The following STK39 variants were observed in gnomAD, a reference collection of about 807,000 sequenced individuals.
STK39 encodes STE20/SPS1-related proline-alanine-rich protein kinase.
A neutral mutation model predicts 77.8 loss-of-function variants in STK39; 20 were observed. The ratio of observed to expected loss-of-function variants is 0.26; its 90% CI spans 0.18 to 0.37. STK39 has a LOEUF of 0.37. STK39 is among the 10% of genes least tolerant of loss of function. The probability of loss-of-function intolerance (pLI) is 1.00; values close to 1 mark genes in which losing one functional copy is unlikely to be tolerated. For missense variants in STK39, 479 were observed against 656.5 expected (o/e 0.73, Z 2.95); for synonymous variants, 246 against 234.1 (o/e 1.05, Z -0.47).
At chr2:168,234,438 C>T (rs1690545137) in intron 1 of STK39, among the ~76,000 whole-genome samples, 1 of 152,196 alleles carries the variant, frequency 6.6e-6, no homozygotes, top group African/African-American at 2.4e-5. Context: ...GTGCTAGCCC[C>T]TTTCTTCTGG....
intron 5 of STK39, among the ~76,000 whole-genome samples, chr2:168,143,905 T>G (rs1688062298): frequency 6.6e-6 from 1 of 152,192 alleles, no homozygotes; most frequent in South Asian, 2.1e-4. Flanking sequence ...CACATGATGC[T>G]TTGTCGTCTA....
intron 1 of STK39, among the ~76,000 whole-genome samples, chr2:168,225,949 A>C (rs1163390535): frequency 6.6e-6 from 1 of 152,202 alleles, no homozygotes; most frequent in Non-Finnish European, 1.5e-5. Flanking sequence ...TGGGATTAAG[A>C]TTGGGAAATA....
At chr2:168,039,913 ATATAT>A (rs1316308456) in intron 14 of STK39, among the ~76,000 whole-genome samples, 2 of 152,194 alleles carry the variant, frequency 1.3e-5, no homozygotes, top group African/African-American at 4.8e-5. Context: ...GGTATTGCTG[ATATAT>A]TATACAACCA....
chr2:168,148,354 G>A (rs1456210900), intron 5 of STK39, among the ~76,000 whole-genome samples: 1 of 152,152 alleles, frequency 6.6e-6, no homozygotes, highest in Non-Finnish European at 1.5e-5. Flanking sequence ...AGTGCAAACT[G>A]GGAGGGCCAC....
At chr2:168,167,429 AC>A (rs1379487300) in intron 2 of STK39, 22 bp from the exon 3 acceptor site, 2 of 1,605,168 alleles carry the variant, frequency 1.2e-6, no homozygotes, top group South Asian at 2.2e-5. Flanking sequence ...GCAAAACATG[AC>A]ATAGTACCAT....
At position 168,167,348 on chromosome 2, in the gene STK39, A is replaced by T; in HGVS notation, c.381T>A (p.Ser127=). ...SHPNVVTYYT[S]FVVKDELWLV... ...GCCAAAGTTCATCTTTGACCACAAA[A>T]GAGGTGTAATAGGTCACTACGTTGG... The change falls in exon 3 of 18, where the codon TCT becomes TCA. Residue 127 remains serine, a synonymous_variant. Transcript: ENST00000355999. 6.2e-7 allele frequency: 1 copy of T among 1,613,834 alleles called. No homozygotes were observed. Among genetic ancestry groups the T allele is most frequent in the East Asian group, 2.2e-5 (1 of 44,830 alleles).
chr2:168,068,678 T>C (rs1391711955), intron 12 of STK39, among the ~76,000 whole-genome samples: 1 of 152,240 alleles, frequency 6.6e-6, no homozygotes, highest in African/African-American at 2.4e-5. Context: ...TGCAGATTTC[T>C]GGATTTCTGA....
At chr2:168,214,834 C>T (rs566676517) in intron 1 of STK39, among the ~76,000 whole-genome samples, 24 of 152,276 alleles carry the variant, frequency 1.6e-4, no homozygotes, top group East Asian at 3.9e-4. Flanking sequence ...CTGTGTGCCA[C>T]GAACTGAGGT....
chr2:168,238,552 G>A (rs919287452), intron 1 of STK39, among the ~76,000 whole-genome samples: 6 of 152,162 alleles, frequency 3.9e-5, no homozygotes, highest in African/African-American at 1.2e-4. Flanking sequence ...AGTTTAAAAG[G>A]TCAATTAATC....
chr2:168,170,474 C>T (rs1025548086), intron 2 of STK39, among the ~76,000 whole-genome samples: 5 of 152,190 alleles, frequency 3.3e-5, no homozygotes, highest in Admixed American at 1.3e-4. Context: ...TGAGTTAAAG[C>T]GGTGCTTCCC....
chr2:168,241,116 A>C (rs1384846771), intron 1 of STK39, among the ~76,000 whole-genome samples: 1 of 152,108 alleles, frequency 6.6e-6, no homozygotes, highest in Non-Finnish European at 1.5e-5. Flanking sequence ...AGGAGAAAGA[A>C]GTAGGGAGAG....
chr2:168,011,148 A>C (rs1447223149), intron 16 of STK39, among the ~76,000 whole-genome samples: 1 of 152,212 alleles, frequency 6.6e-6, no homozygotes, highest in East Asian at 1.9e-4. Context: ...AAATACAAAA[A>C]TTAGCCAGGC....
chr2:168,160,258 T>C (rs1688535142), intron 5 of STK39, among the ~76,000 whole-genome samples: 1 of 152,228 alleles, frequency 6.6e-6, no homozygotes, highest in Non-Finnish European at 1.5e-5. Context: ...AGAAAATTAG[T>C]TGTACTTCCT....
At chr2:168,068,878 T>C (rs1685866064) in intron 12 of STK39, among the ~76,000 whole-genome samples, 1 of 152,130 alleles carries the variant, frequency 6.6e-6, no homozygotes, top group Admixed American at 6.5e-5. Flanking sequence ...AACAAACACG[T>C]TTGACAGCTC....
chr2:168,235,789 C>A (rs4668049), intron 1 of STK39, among the ~76,000 whole-genome samples: 20,996 of 151,876 alleles, frequency 0.14, 1,567 homozygotes, highest in East Asian at 0.31. Flanking sequence ...TGAACTCATC[C>A]TTTTTTATGA....
intron 10 of STK39, among the ~76,000 whole-genome samples, chr2:168,089,142 G>A (rs1686449230): frequency 6.6e-6 from 1 of 152,166 alleles, no homozygotes; most frequent in Admixed American, 6.5e-5. Context: ...ACGGAGTGGG[G>A]CCACAGTTTT....
intron 7 of STK39, among the ~76,000 whole-genome samples, chr2:168,139,193 TCAGGTGGGAAACACTGAGAAGAGGCAA>T (rs1687913413): frequency 6.6e-6 from 1 of 152,074 alleles, no homozygotes; most frequent in Non-Finnish European, 1.5e-5. Flanking sequence ...GACTTTGAAT[TCAGGTGGGAAACACTGAGAAGAGGCAA>T]AAGAAAGAAA....
intron 10 of STK39, among the ~76,000 whole-genome samples, chr2:168,118,827 T>G (rs558370101): frequency 6.6e-6 from 1 of 152,216 alleles, no homozygotes; most frequent in African/African-American, 2.4e-5. Context: ...TCTTAGTCAA[T>G]GAACTGTTCT....
chr2:168,197,186 A>G (rs59681820), intron 1 of STK39, among the ~76,000 whole-genome samples: 1 of 152,074 alleles, frequency 6.6e-6, no homozygotes, highest in Admixed American at 6.6e-5. Context: ...AGAAGAAGAA[A>G]AGTAAAGTGG....
Sources: allele counts gnomAD v4.1 joint callset (sites outside exome capture counted in the v4.1 genomes callset), GRCh38; gene constraint gnomAD v4.1.1; transcripts MANE v1.5; gene names NCBI Gene and HGNC (gene_info 2026-07-23, HGNC 2026-07-21).